USP9X: variants seen among roughly 807,000 people sequenced by gnomAD.
USP9X encodes the protein ubiquitin carboxyl-terminal hydrolase 9X.
A neutral mutation model predicts 190.3 loss-of-function variants in USP9X; 7 were observed. That is an observed-to-expected ratio of 0.04 (90% CI 0.02 to 0.07). The LOEUF (loss-of-function observed/expected upper bound fraction) is 0.07. USP9X is among the 10% of genes least tolerant of loss of function. The pLI is 1.00. For missense variants in USP9X, 1,010 were observed against 1,916.9 expected (o/e 0.53, Z 8.83); for synonymous variants, 645 against 659.5 (o/e 0.98, Z 0.34).
intron 1 of USP9X, among the ~76,000 whole-genome samples, chrX:41,097,968 A>G (rs986742530): frequency 8.9e-6 from 1 of 111,737 alleles, no homozygotes; most frequent in Admixed American, 9.6e-5. Context: ...TAACTGAGAT[A>G]TATAACTTAC....
intron 16 of USP9X, among the ~76,000 whole-genome samples, chrX:41,166,694 C>A (rs1223495927): frequency 8.9e-6 from 1 of 111,808 alleles, no homozygotes; most frequent in African/African-American, 3.2e-5. Flanking sequence ...TAAGGCTAAT[C>A]TATTTTTATA....
chrX:41,197,995 A>G (rs2063002970), intron 29 of USP9X, among the ~76,000 whole-genome samples: 1 of 112,219 alleles, frequency 8.9e-6, no homozygotes, highest in African/African-American at 3.2e-5. Flanking sequence ...GCCTGAAGGA[A>G]CAGAGCAAGG....
At chrX:41,087,523 A>G (rs1232878507) in intron 1 of USP9X, among the ~76,000 whole-genome samples, 3 of 112,579 alleles carry the variant, frequency 2.7e-5, no homozygotes, top group East Asian at 2.8e-4. Context: ...TATGTATTAA[A>G]TATAAAAAAG....
At chrX:41,109,687 A>G (rs1172440785) in intron 1 of USP9X, among the ~76,000 whole-genome samples, 4 of 112,061 alleles carry the variant, frequency 3.6e-5, no homozygotes, top group Non-Finnish European at 7.5e-5. Context: ...AATTTAACAA[A>G]GATTAATTGG....
intron 14 of USP9X, among the ~76,000 whole-genome samples, chrX:41,161,910 C>T (rs1429376784): frequency 7.3e-5 from 8 of 109,994 alleles, no homozygotes; most frequent in Admixed American, 3.9e-4. Context: ...CTTAAGAAAA[C>T]CTCTTGAAGT....
Position 41,235,247 on chromosome X carries a change from C to A in USP9X, c.*2723C>A, listed in dbSNP as rs1042435805. ...TATTTTTGTTTGTGCAAATTATTTT[C>A]TATATTTAACTCAAGCATTAATGTA... On this transcript the variant is annotated 3_prime_UTR_variant, in exon 45 of 45. Coordinates refer to ENST00000378308, the MANE Select transcript of USP9X (RefSeq NM_001039591.3). 1 of 112,263 alleles carries A rather than the reference C, an allele frequency of 8.9e-6. No homozygotes were observed. The highest frequency in any genetic ancestry group is 3.2e-5 in the African/African-American group (1 of 30,809). 9.3% of individuals were successfully genotyped at this position (112,263 alleles called of 1,213,427 possible).
rs748131146 is a variant in USP9X at position 41,112,351 on chromosome X, A to G, written c.-158-11120A>G. Among the ~76,000 whole-genome samples the G allele has an allele frequency of 5.3e-5, 6 of 112,344 alleles. No individual in the cohort carries two copies. In the South Asian group the frequency reaches 1.8e-3, roughly 35 times the overall value. Reference sequence around the variant, plus strand: ...ATTTATAGAGAACAACAGATTCTGTAGAGAACCTTCATGGTATAGTTGGAA... The same window carrying G: ...ATTTATAGAGAACAACAGATTCTGTGGAGAACCTTCATGGTATAGTTGGAA... On this transcript the variant is annotated intron_variant, in intron 1 of 44. Coordinates refer to ENST00000378308, the MANE Select transcript of USP9X (RefSeq NM_001039591.3).
intron 1 of USP9X, among the ~76,000 whole-genome samples, chrX:41,088,714 C>CT (rs940879227): frequency 9.1e-6 from 1 of 110,389 alleles, no homozygotes; most frequent in Non-Finnish European, 1.9e-5. Flanking sequence ...TGGTAGCCTA[C>CT]ATTATGTTTC....
chrX:41,108,136 A>G (rs112799011), intron 1 of USP9X, among the ~76,000 whole-genome samples: 14,847 of 111,054 alleles, frequency 0.13, 897 homozygotes, highest in East Asian at 0.22. Flanking sequence ...TTGCTTCCTT[A>G]TTTATGTAGT....
Position 41,197,352 on chromosome X carries a change from C to CCCCCGGGGGGGGGGG in USP9X, c.4234-12_4234-11insCCCCGGGGGGGGGGG. 8 of 988,200 alleles carry CCCCCGGGGGGGGGGG rather than the reference C, an allele frequency of 8.1e-6. No homozygotes were observed. Among genetic ancestry groups the CCCCCGGGGGGGGGGG allele is most frequent in the Non-Finnish European group, 1.1e-5 (8 of 759,371 alleles). The allele number at this position is 988,200 out of a possible 1,213,427, so 81.4% of individuals were successfully genotyped here. On this transcript the variant is annotated splice_polypyrimidine_tract_variant and intron_variant, in intron 28 of 44. Coordinates refer to ENST00000378308, the MANE Select transcript of USP9X (RefSeq NM_001039591.3). ...TTCTTCCCCCCCCCACCCCACCCCC[C>CCCCCGGGGGGGGGGG]GCCTTTGGCAGGATGATGTTAAAAG... is the stretch of plus-strand genomic sequence containing the variant.
At chrX:41,109,836 A>T (rs1050593083) in intron 1 of USP9X, among the ~76,000 whole-genome samples, 3 of 111,632 alleles carry the variant, frequency 2.7e-5, no homozygotes, top group African/African-American at 9.8e-5. Context: ...ATTTATCATA[A>T]TGTGTGATAA....
At chrX:41,164,803 A>G (rs2062664699) in intron 15 of USP9X, among the ~76,000 whole-genome samples, 1 of 112,109 alleles carries the variant, frequency 8.9e-6, no homozygotes, top group African/African-American at 3.2e-5. Flanking sequence ...CTTTTACTTA[A>G]GTCTGTGCTC....
At chrX:41,125,682 A>ACTCTCT (rs1477045514) in intron 2 of USP9X, among the ~76,000 whole-genome samples, 355 of 22,778 alleles carry the variant, frequency 0.016, 1 homozygote, top group Admixed American at 0.02. Context: ...ACACACACAC[A>ACTCTCT]CACTCTCTCT....
At chrX:41,116,098 G>A (rs2062146221) in intron 1 of USP9X, among the ~76,000 whole-genome samples, 1 of 112,221 alleles carries the variant, frequency 8.9e-6, no homozygotes. Flanking sequence ...CATTGTGGAA[G>A]ATGTTAGGAT....
Position 41,201,232 on chromosome X carries a change from T to C in USP9X, c.4776T>C (p.Gly1592=). Reference sequence around the variant, plus strand: ...GTATTCTTGCCATTGAAGGCACAGGTAGTGATGTAGATGATGATATGTCTG... The same window carrying C: ...GTATTCTTGCCATTGAAGGCACAGGCAGTGATGTAGATGATGATATGTCTG... ...RNGILAIEGT[G]SDVDDDMSGD... Residue 1592 remains glycine, a synonymous_variant, in exon 31 of 45, where the codon GGT becomes GGC. Transcript: ENST00000378308. The C allele has an allele frequency of 8.3e-7, 1 of 1,211,361 alleles. No individual in the cohort carries two copies. Among genetic ancestry groups the C allele is most frequent in the Non-Finnish European group, 1.1e-6 (1 of 895,253 alleles).
chrX:41,128,026 G>A (rs923832784), intron 2 of USP9X, among the ~76,000 whole-genome samples: 5 of 111,721 alleles, frequency 4.5e-5, no homozygotes, highest in African/African-American at 1.3e-4. Flanking sequence ...CTGTTAAAAC[G>A]GGGGGAGAGA....
intron 14 of USP9X, among the ~76,000 whole-genome samples, chrX:41,154,709 CAA>C (rs1022162153): frequency 3.3e-4 from 37 of 111,698 alleles, no homozygotes; most frequent in African/African-American, 1.2e-3. Context: ...AAACATGACC[CAA>C]ACATATTAGC....
chrX:41,212,820 G>T (rs1350776355), intron 33 of USP9X, among the ~76,000 whole-genome samples: 1 of 111,594 alleles, frequency 9.0e-6, no homozygotes, highest in Non-Finnish European at 1.9e-5. Flanking sequence ...CTATATAAAT[G>T]AGAAATTTCT....
intron 13 of USP9X, 113 bp downstream of exon 13, chrX:41,151,170 G>T: frequency 1.4e-6 from 1 of 740,289 alleles, no homozygotes; most frequent in Non-Finnish European, 1.9e-6. Flanking sequence ...AGTGAGAAGA[G>T]GCTATATAAG....
Sources: gnomAD v4.1 joint callset for allele counts (sites outside exome capture counted in the v4.1 genomes callset) on GRCh38, gnomAD v4.1.1 for gene constraint, MANE v1.5 for transcripts, NCBI Gene and HGNC (gene_info 2026-07-23, HGNC 2026-07-21) for gene names.